Variants in RGS20 observed in about 807,000 individuals in gnomAD.
RGS20 encodes the protein gz-selective GTPase-activating protein.
RGS20 carries 30 observed loss-of-function variants against 33.6 expected under a neutral mutation model. That is an observed-to-expected ratio of 0.89 (90% CI 0.67 to 1.21). The LOEUF (loss-of-function observed/expected upper bound fraction) is 1.21. Among genes scored for constraint, RGS20 ranks in the 50% most tolerant of loss-of-function variants. RGS20 has a pLI of 0.00. For synonymous variants in RGS20, 208 were observed against 197.9 expected, an observed-to-expected ratio of 1.05 and a Z score of -0.43; for missense variants, 472 against 502.4, an observed-to-expected ratio of 0.94 and a Z score of 0.58.
chr8:53,955,195 C>T (rs994543515), intron 5 of RGS20, among the ~76,000 whole-genome samples: 1 of 150,680 alleles, frequency 6.6e-6, no homozygotes, highest in Non-Finnish European at 1.5e-5. Flanking sequence ...TTTCAGATCA[C>T]TTTGACTGTG....
chr8:53,881,177 C>G (rs1812369956), intron 2 of RGS20, 93 bp downstream of exon 1: 3 of 945,000 alleles, frequency 3.2e-6, no homozygotes, highest in Non-Finnish European at 4.4e-6. Context: ...GAGGGGCGCG[C>G]CGCTCGTCCG....
chr8:53,878,745 C>G (rs1812263603), intron 1 of RGS20, among the ~76,000 whole-genome samples: 1 of 152,142 alleles, frequency 6.6e-6, no homozygotes, highest in African/African-American at 2.4e-5. Context: ...TAGCCAAGGC[C>G]AACTCTGTGC....
rs116461214 is a variant in RGS20, at chr8:53,924,015, G to A, written c.511-15561G>A. On this transcript the variant is annotated intron_variant, in intron 2 of 5. Transcript: ENST00000297313. ...TTTCTTCATATGTTTTGGAATTTTA[G>A]TTTGCAAATACTTTTTTTTTTTGAG... is the stretch of plus-strand genomic sequence containing the variant. 2.9e-3 allele frequency among the ~76,000 whole-genome samples: 439 copies of A among 151,466 alleles called. 3 individuals carry two copies. Among genetic ancestry groups the A allele is most frequent in the African/African-American group, 0.01 (424 of 41,372 alleles).
intron 2 of RGS20, among the ~76,000 whole-genome samples, chr8:53,906,708 T>C (rs555524173): frequency 1.3e-5 from 2 of 152,238 alleles, no homozygotes; most frequent in Admixed American, 6.5e-5. Flanking sequence ...CCACAGTCAG[T>C]GGGAGCTCAG....
intron 2 of RGS20, among the ~76,000 whole-genome samples, chr8:53,900,536 C>G (rs1812986294): frequency 6.6e-6 from 1 of 152,010 alleles, no homozygotes; most frequent in Non-Finnish European, 1.5e-5. Flanking sequence ...GAAATGTAAA[C>G]AAAAAATAAA....
At chr8:53,886,583 T>TGAGCA (rs1812553373) in intron 2 of RGS20, among the ~76,000 whole-genome samples, 1 of 152,192 alleles carries the variant, frequency 6.6e-6, no homozygotes. Context: ...AGCATTTGGG[T>TGAGCA]TTTAGGCAAA....
rs769432002 is a variant in RGS20, at chr8:53,954,272, A to G, written c.940A>G (p.Ile314Val). ...CATTATTGAAGAGAAAGCAAGGATA[A>G]TCTATGAAGACTACATTTCTATACT... The change falls in exon 5 of 6, where the codon ATC becomes GTC. Residue 314 changes from isoleucine (I) to valine (V), a missense_variant. Ile to Val is a conservative substitution (Grantham distance 29). Coordinates refer to ENST00000297313, the MANE Select transcript of RGS20 (RefSeq NM_170587.4). 8.7e-6 allele frequency: 14 copies of G among 1,612,758 alleles called. No homozygotes were observed. In the South Asian group the frequency reaches 1.5e-4, roughly 18 times the overall value.
At chr8:53,858,781 A>G (rs1811740072) in intron 1 of RGS20, among the ~76,000 whole-genome samples, 2 of 152,144 alleles carry the variant, frequency 1.3e-5, no homozygotes, top group African/African-American at 4.8e-5. Flanking sequence ...GGCAAGCTCA[A>G]AAGATTATTT....
intron 1 of RGS20, among the ~76,000 whole-genome samples, chr8:53,874,762 A>G (rs1007669789): frequency 6.6e-6 from 1 of 152,208 alleles, no homozygotes; most frequent in Non-Finnish European, 1.5e-5. Context: ...CTCTGTGTGT[A>G]TATCTGTGTC....
chr8:53,882,292 G>T (rs1440126628), intron 2 of RGS20, among the ~76,000 whole-genome samples: 1 of 152,198 alleles, frequency 6.6e-6, no homozygotes, highest in Non-Finnish European at 1.5e-5. Flanking sequence ...GAGTGGGGAA[G>T]GGGCTTTGGG....
At chr8:53,884,995 G>T (rs756774078) in intron 2 of RGS20, among the ~76,000 whole-genome samples, 45 of 152,152 alleles carry the variant, frequency 3.0e-4, no homozygotes, top group Non-Finnish European at 5.4e-4. Context: ...AATCATTTTT[G>T]AGCTTTTCTT....
At chr8:53,916,391 A>G (rs1287452200) in intron 2 of RGS20, among the ~76,000 whole-genome samples, 1 of 151,842 alleles carries the variant, frequency 6.6e-6, no homozygotes, top group Non-Finnish European at 1.5e-5. Flanking sequence ...TAGATTTACT[A>G]TTGTTTCTTG....
At chr8:53,928,715 C>G (rs952045331) in intron 2 of RGS20, among the ~76,000 whole-genome samples, 1 of 151,462 alleles carries the variant, frequency 6.6e-6, no homozygotes, top group Admixed American at 6.6e-5. Context: ...CCTAGCTACT[C>G]GGGAGGCTGA....
At chr8:53,898,839 G>A (rs957905467) in intron 2 of RGS20, among the ~76,000 whole-genome samples, 3 of 152,202 alleles carry the variant, frequency 2.0e-5, no homozygotes, top group African/African-American at 7.2e-5. Context: ...GAGCACTGCA[G>A]GTGCTTTTAA....
At chr8:53,864,331 G>A (rs958797195) in intron 1 of RGS20, among the ~76,000 whole-genome samples, 2 of 151,774 alleles carry the variant, frequency 1.3e-5, no homozygotes, top group African/African-American at 4.8e-5. Context: ...CTACTCGGGA[G>A]GCTGAGGCAG....
At chr8:53,944,533 G>A (rs1238893777) in intron 3 of RGS20, among the ~76,000 whole-genome samples, 1 of 127,920 alleles carries the variant, frequency 7.8e-6, no homozygotes, top group Non-Finnish European at 1.6e-5. Flanking sequence ...GCAAGACCCC[G>A]TCTCAAAAAA....
intron 2 of RGS20, among the ~76,000 whole-genome samples, chr8:53,917,765 T>C (rs1401840646): frequency 6.6e-6 from 1 of 152,138 alleles, no homozygotes; most frequent in Non-Finnish European, 1.5e-5. Context: ...ACTGACTCTG[T>C]CTCAGTCAAT....
chr8:53,943,823 C>T (rs1242126223), intron 3 of RGS20, among the ~76,000 whole-genome samples: 6 of 152,022 alleles, frequency 3.9e-5, no homozygotes, highest in African/African-American at 1.4e-4. Context: ...AAAGAAGCCT[C>T]GGAAGTCATG....
rs746754993 is a variant in RGS20, at chr8:53,958,456, T to C, written c.1165T>C (p.Ter389GlnextTer20). 1.9e-5 allele frequency: 27 copies of C among 1,448,162 alleles called. No homozygotes were observed. The highest frequency in any genetic ancestry group is 2.5e-5 in the East Asian group (1 of 39,564). 89.7% of individuals were successfully genotyped at this position (1,448,162 alleles called of 1,614,324 possible). A position where few individuals can be genotyped will look rare whatever the true frequency, so the allele number is the denominator to read the frequency against. The change falls in exon 6 of 6, where the codon TAG (stop) becomes CAG (glutamine). Residue 389 changes from the stop codon to glutamine, a stop_lost. Transcript: ENST00000297313. Reference sequence around the variant, plus strand: ...CTTATCGGAGAAATCTATTGAAGCATAGGATTTTTCAAATATATTTATTAT... The same window carrying C: ...CTTATCGGAGAAATCTATTGAAGCACAGGATTTTTCAAATATATTTATTAT...
Sources: allele counts gnomAD v4.1 joint callset (sites outside exome capture counted in the v4.1 genomes callset), GRCh38; gene constraint gnomAD v4.1.1; transcripts MANE v1.5; gene names NCBI Gene and HGNC (gene_info 2026-07-23, HGNC 2026-07-21).